SLCO6A1: variants seen among roughly 807,000 people sequenced by gnomAD.
SLCO6A1 encodes solute carrier organic anion transporter family member 6A1, also known as cancer/testis antigen 48.
Under a neutral mutation model 72.7 loss-of-function variants are expected in SLCO6A1, and 65 were observed. The observed-to-expected ratio is 0.89, with a 90% CI of 0.73 to 1.10. The LOEUF (loss-of-function observed/expected upper bound fraction) is 1.10, where lower values mean the gene tolerates loss of function less well. Ranked by LOEUF, SLCO6A1 falls within the 50% of genes least tolerant of loss-of-function variation. The pLI is 0.00. For synonymous variants in SLCO6A1, 314 were observed against 298.2 expected, an observed-to-expected ratio of 1.05 and a Z score of -0.55; for missense variants, 874 against 872.6, an observed-to-expected ratio of 1.00 and a Z score of -0.02.
At position 102,465,273 on chromosome 5, in the gene SLCO6A1, C is replaced by T. The variant is rs554565145; in HGVS notation, c.900-5496G>A. Among the ~76,000 whole-genome samples the T allele has an allele frequency of 8.3e-4, 126 of 151,726 alleles. 1 individual carries two copies. Among genetic ancestry groups the T allele is most frequent in the Admixed American group, 1.4e-3 (22 of 15,204 alleles). ...GAAATACCTAGGGCTTAATAATAAC[C>T]CCAGGAGCATCGCTTGACCAACAAT... is the stretch of plus-strand genomic sequence containing the variant. On this transcript the variant is annotated intron_variant, in intron 4 of 13. Coordinates refer to ENST00000506729, the MANE Select transcript of SLCO6A1 (RefSeq NM_173488.5).
intron 12 of SLCO6A1, among the ~76,000 whole-genome samples, chr5:102,375,797 T>C (rs912553597): frequency 4.6e-5 from 7 of 152,034 alleles, no homozygotes; most frequent in Admixed American, 4.6e-4. Flanking sequence ...TGAAATAGTA[T>C]CAAGTGATCA....
At chr5:102,419,026 C>T (rs191483506) in intron 8 of SLCO6A1, among the ~76,000 whole-genome samples, 1 of 152,138 alleles carries the variant, frequency 6.6e-6, no homozygotes, top group East Asian at 1.9e-4. Context: ...TTACTAGATG[C>T]TTTTGCCCAA....
intron 12 of SLCO6A1, among the ~76,000 whole-genome samples, chr5:102,378,159 T>A (rs1745910760): frequency 6.6e-6 from 1 of 152,064 alleles, no homozygotes; most frequent in African/African-American, 2.4e-5. Flanking sequence ...TTTTCTTTTT[T>A]TTTAAATTAT....
chr5:102,426,071 G>T (rs968996693), intron 7 of SLCO6A1, among the ~76,000 whole-genome samples: 4 of 152,152 alleles, frequency 2.6e-5, no homozygotes, highest in African/African-American at 7.2e-5. Context: ...GCCATATGCA[G>T]AAAACTGAAA....
intron 6 of SLCO6A1, among the ~76,000 whole-genome samples, chr5:102,446,794 G>A (rs941223713): frequency 2.6e-4 from 39 of 151,826 alleles, no homozygotes; most frequent in African/African-American, 3.6e-4. Context: ...TCACTCTGTC[G>A]CCCAGGCTGG....
intron 4 of SLCO6A1, among the ~76,000 whole-genome samples, chr5:102,467,148 GT>G (rs773220977): frequency 7.2e-5 from 11 of 152,052 alleles, no homozygotes; most frequent in Non-Finnish European, 1.3e-4. Flanking sequence ...GTAGCTTTGG[GT>G]TTTACATTTA....
At chr5:102,394,387 A>C (rs1746946054) in intron 10 of SLCO6A1, among the ~76,000 whole-genome samples, 1 of 152,174 alleles carries the variant, frequency 6.6e-6, no homozygotes, top group Non-Finnish European at 1.5e-5. Context: ...AAAACAATGT[A>C]AAGAAGGCAC....
At chr5:102,429,876 A>T (rs1749119342) in intron 7 of SLCO6A1, among the ~76,000 whole-genome samples, 1 of 152,160 alleles carries the variant, frequency 6.6e-6, no homozygotes, top group African/African-American at 2.4e-5. Flanking sequence ...ATAGCACTGA[A>T]TCTGTAAACT....
intron 9 of SLCO6A1, 55 bp downstream of exon 9, chr5:102,412,930 TTATAA>T (rs1053189983): frequency 5.3e-5 from 39 of 736,606 alleles, no homozygotes; most frequent in Middle Eastern, 4.9e-4. Flanking sequence ...AAAATAATAA[TTATAA>T]TATAATGAAA....
At position 102,477,739 on chromosome 5, in the gene SLCO6A1, A is replaced by G. The variant is rs1751979785; in HGVS notation, c.739T>C (p.Tyr247His). ...TVQGIAGMPL[Y>H]ILGITFIDEN... Reference sequence around the variant, plus strand: ...TCAATAAAGGTTATTCCAAGGATATAAAGAGGCATTCCTGCTATTCCCTGC... The same window carrying G: ...TCAATAAAGGTTATTCCAAGGATATGAAGAGGCATTCCTGCTATTCCCTGC... The change falls in exon 3 of 14, where the codon TAT (tyrosine) becomes CAT (histidine). Residue 247 changes from tyrosine to histidine, a missense_variant. By Grantham distance (83) the Tyr-to-His change is moderately conservative (BLOSUM62 2). Transcript: ENST00000506729. 6.2e-7 allele frequency: 1 copy of G among 1,613,716 alleles called. No homozygotes were observed. Among genetic ancestry groups the G allele is most frequent in the African/African-American group, 1.3e-5 (1 of 74,902 alleles).
chr5:102,399,692 T>G lies in SLCO6A1; in HGVS notation c.1677A>C (p.Ala559=). Residue 559 remains alanine, a synonymous_variant, in exon 10 of 14, where the codon GCA becomes GCC. Coordinates refer to ENST00000506729, the MANE Select transcript of SLCO6A1 (RefSeq NM_173488.5). ...GTCTGGCATCAATAAAATCACCTTC[T>G]GCATCTGCAGTTATTAATCCTTCTT... The part of the protein sequence containing the change: ...CIKEGLITAD[A]EGDFIDARPG... The G allele has an allele frequency of 1.2e-6, 2 of 1,600,460 alleles. No individual in the cohort carries two copies. Among genetic ancestry groups the G allele is most frequent in the Non-Finnish European group, 1.7e-6 (2 of 1,171,212 alleles).
intron 10 of SLCO6A1, chr5:102,391,353 C>T (rs1002855041): frequency 1.0e-5 from 3 of 292,954 alleles, no homozygotes; most frequent in Non-Finnish European, 1.9e-5. Context: ...TTTATACTTA[C>T]CGGTTTTCAT....
intron 6 of SLCO6A1, among the ~76,000 whole-genome samples, chr5:102,457,102 C>T (rs1036746497): frequency 6.6e-6 from 1 of 152,114 alleles, no homozygotes; most frequent in Non-Finnish European, 1.5e-5. Context: ...AAAATTAATT[C>T]AAGATGGATT....
intron 1 of SLCO6A1, among the ~76,000 whole-genome samples, chr5:102,494,271 A>G (rs914737666): frequency 2.6e-5 from 4 of 152,264 alleles, no homozygotes; most frequent in African/African-American, 9.6e-5. Context: ...ACACCAAAAC[A>G]GTTCATTCAC....
At chr5:102,491,717 C>A (rs1254464370) in intron 1 of SLCO6A1, among the ~76,000 whole-genome samples, 2 of 152,240 alleles carry the variant, frequency 1.3e-5, no homozygotes, top group Non-Finnish European at 2.9e-5. Context: ...CGGTTCCCGC[C>A]CGTGCCTCTC....
chr5:102,496,285 G>C (rs1313683604), intron 1 of SLCO6A1, among the ~76,000 whole-genome samples: 3 of 152,160 alleles, frequency 2.0e-5, no homozygotes, highest in African/African-American at 7.2e-5. Flanking sequence ...GGTATTGTTT[G>C]TACTGCCTTT....
chr5:102,375,716 A>G (rs1161518238), intron 12 of SLCO6A1, among the ~76,000 whole-genome samples: 1 of 152,198 alleles, frequency 6.6e-6, no homozygotes, highest in African/African-American at 2.4e-5. Context: ...ATAGAAATAC[A>G]AACTACAAAA....
chr5:102,465,569 T>C (rs892857337), intron 4 of SLCO6A1, among the ~76,000 whole-genome samples: 2 of 152,144 alleles, frequency 1.3e-5, no homozygotes, highest in African/African-American at 4.8e-5. Context: ...AAACGCATTA[T>C]GTCTAAAACA....
intron 1 of SLCO6A1, among the ~76,000 whole-genome samples, chr5:102,485,108 AG>A (rs1379781590): frequency 6.6e-6 from 1 of 151,894 alleles, no homozygotes; most frequent in Non-Finnish European, 1.5e-5. Flanking sequence ...AAAATTAGCC[AG>A]GCTTGGTGGC....
Sources: allele counts gnomAD v4.1 joint callset (sites outside exome capture counted in the v4.1 genomes callset), GRCh38; gene constraint gnomAD v4.1.1; transcripts MANE v1.5; gene names NCBI Gene and HGNC (gene_info 2026-07-23, HGNC 2026-07-21).